Variants in STIM1 observed in about 807,000 individuals in gnomAD.
STIM1 encodes stromal interaction molecule 1.
Under a neutral mutation model 74.7 loss-of-function variants are expected in STIM1, and 25 were observed. The ratio of observed to expected loss-of-function variants is 0.33; its 90% CI spans 0.24 to 0.47. The LOEUF is 0.47. Ranked by LOEUF, STIM1 falls within the 20% of genes least tolerant of loss-of-function variation. STIM1 has a pLI of 1.00. For missense variants in STIM1, 728 were observed against 920.8 expected (o/e 0.79, Z 2.71); for synonymous variants, 328 against 348.8 (o/e 0.94, Z 0.66).
chr11:3,969,888 C>A (rs1288951426), intron 2 of STIM1, among the ~76,000 whole-genome samples: 2 of 152,154 alleles, frequency 1.3e-5, no homozygotes, highest in African/African-American at 2.4e-5. Flanking sequence ...TGTCACTGAC[C>A]TGTAAAGGAT....
intron 2 of STIM1, among the ~76,000 whole-genome samples, chr11:3,991,174 T>G (rs902894213): frequency 6.7e-6 from 1 of 149,762 alleles, no homozygotes; most frequent in African/African-American, 2.5e-5. Context: ...CCTTTCTTTT[T>G]TTTTTTTTTT....
In STIM1 at chr11:3,975,351, T is replaced by C. The variant is rs1490067769; in HGVS notation, c.270+7669T>C. ...AAGCCAGGCCAGGTGTGGTAGTGGC[T>C]CACGCCTGTAATCCCAACACTTTGG... On this transcript the variant is annotated intron_variant, in intron 2 of 12. Transcript: ENST00000526596. 3.3e-5 allele frequency among the ~76,000 whole-genome samples: 5 copies of C among 152,254 alleles called. No individual in the cohort carries two copies. In the South Asian group the frequency reaches 1.0e-3, roughly 31 times the overall value.
chr11:4,005,801 A>T (rs2093774104), intron 2 of STIM1, among the ~76,000 whole-genome samples: 1 of 152,210 alleles, frequency 6.6e-6, no homozygotes, highest in South Asian at 2.1e-4. Context: ...CTAGACGTAC[A>T]AAGATAAGTG....
intron 3 of STIM1, among the ~76,000 whole-genome samples, chr11:4,037,585 T>C (rs918580409): frequency 1.3e-5 from 2 of 152,226 alleles, no homozygotes; most frequent in Non-Finnish European, 2.9e-5. Flanking sequence ...TTGATAAAAA[T>C]ATAGCTGTCT....
chr11:3,893,651 A>ATTT (rs71466135), intron 1 of STIM1, among the ~76,000 whole-genome samples: 1 of 143,948 alleles, frequency 6.9e-6, no homozygotes, highest in South Asian at 2.2e-4. Flanking sequence ...CTGGGTCAAC[A>ATTT]TTTTTTTTTT....
chr11:3,891,320 C>T (rs957420854), intron 1 of STIM1, among the ~76,000 whole-genome samples: 4 of 150,966 alleles, frequency 2.6e-5, no homozygotes, highest in African/African-American at 7.3e-5. Context: ...GACAGAGTCT[C>T]GCTGTGTTGC....
intron 1 of STIM1, among the ~76,000 whole-genome samples, chr11:3,893,925 A>G (rs1217974192): frequency 6.6e-6 from 1 of 152,158 alleles, no homozygotes; most frequent in Non-Finnish European, 1.5e-5. Flanking sequence ...GACTACAGGC[A>G]CGTACCACCA....
chr11:3,932,144 T>A (rs990617015), intron 1 of STIM1, among the ~76,000 whole-genome samples: 1 of 152,170 alleles, frequency 6.6e-6, no homozygotes, highest in African/African-American at 2.4e-5. Flanking sequence ...CATAAGGCAG[T>A]TCTCTTGTCC....
intron 1 of STIM1, among the ~76,000 whole-genome samples, chr11:3,956,208 C>A (rs542485181): frequency 6.6e-6 from 1 of 152,204 alleles, no homozygotes; most frequent in East Asian, 1.9e-4. Context: ...ACTAGCACCG[C>A]CTATAGCTCG....
At chr11:3,991,972 AG>A (rs572904101) in intron 2 of STIM1, among the ~76,000 whole-genome samples, 222 of 110,464 alleles carry the variant, frequency 2.0e-3, no homozygotes, top group East Asian at 3.5e-3. Flanking sequence ...AAAAAAAAAA[AG>A]AAAAAAAAAA....
At chr11:4,028,740 G>C (rs187543522) in intron 3 of STIM1, among the ~76,000 whole-genome samples, 3 of 151,970 alleles carry the variant, frequency 2.0e-5, no homozygotes, top group Non-Finnish European at 2.9e-5. Flanking sequence ...TTCTTTCCTC[G>C]TTTTTATGAA....
intron 1 of STIM1, among the ~76,000 whole-genome samples, chr11:3,945,705 A>G (rs1386608461): frequency 1.3e-5 from 2 of 152,198 alleles, no homozygotes; most frequent in Non-Finnish European, 2.9e-5. Context: ...TATTATATCT[A>G]TAGTTCTTAG....
intron 1 of STIM1, among the ~76,000 whole-genome samples, chr11:3,865,040 C>T (rs1270488149): frequency 6.6e-6 from 1 of 152,116 alleles, no homozygotes; most frequent in Admixed American, 6.6e-5. Flanking sequence ...TATTCTGGAG[C>T]CCATTGTACA....
At chr11:4,023,328 A>AAGAC (rs762516392) in intron 2 of STIM1, among the ~76,000 whole-genome samples, 3 of 137,042 alleles carry the variant, frequency 2.2e-5, no homozygotes, top group Middle Eastern at 3.8e-3. Flanking sequence ...ACTCTGTCTC[A>AAGAC]AGACAAACAA....
intron 1 of STIM1, among the ~76,000 whole-genome samples, chr11:3,954,200 C>A (rs1399988830): frequency 6.6e-6 from 1 of 152,130 alleles, no homozygotes; most frequent in Non-Finnish European, 1.5e-5. Flanking sequence ...TCAGTGGTAA[C>A]TCCTGCTTGT....
At chr11:4,005,899 G>T (rs1270503440) in intron 2 of STIM1, among the ~76,000 whole-genome samples, 1 of 152,128 alleles carries the variant, frequency 6.6e-6, no homozygotes, top group Admixed American at 6.5e-5. Flanking sequence ...ACATGTCCTA[G>T]AACTCTGTAA....
intron 2 of STIM1, chr11:3,972,866 G>T: frequency 2.1e-6 from 1 of 479,990 alleles, no homozygotes; most frequent in Non-Finnish European, 4.1e-6. Flanking sequence ...TTTGTGTTTT[G>T]GCCAGTATAG....
At chr11:3,879,031 C>T (rs1156815468) in intron 1 of STIM1, among the ~76,000 whole-genome samples, 1 of 152,128 alleles carries the variant, frequency 6.6e-6, no homozygotes, top group Admixed American at 6.5e-5. Context: ...TCTTGGCTCA[C>T]TGCAACCTCC....
At chr11:4,048,544 T>G (rs1706599459) in intron 3 of STIM1, among the ~76,000 whole-genome samples, 1 of 152,156 alleles carries the variant, frequency 6.6e-6, no homozygotes, top group African/African-American at 2.4e-5. Context: ...CCCACCATTT[T>G]TCTTTATTTA....
Sources: gnomAD v4.1 joint callset for allele counts (sites outside exome capture counted in the v4.1 genomes callset) on GRCh38, gnomAD v4.1.1 for gene constraint, MANE v1.5 for transcripts, NCBI Gene and HGNC (gene_info 2026-07-23, HGNC 2026-07-21) for gene names.